NLGN1: variants seen among roughly 807,000 people sequenced by gnomAD.
NLGN1 encodes neuroligin 1.
In NLGN1, 12 loss-of-function variants were observed where a neutral mutation model predicts 65.5. That is an observed-to-expected ratio of 0.18 (90% CI 0.12 to 0.30). The LOEUF (loss-of-function observed/expected upper bound fraction) is 0.30, where lower values mean the gene tolerates loss of function less well. NLGN1 is among the 10% of genes least tolerant of loss of function. The pLI is 1.00. For synonymous variants in NLGN1, 350 were observed against 359.5 expected, an observed-to-expected ratio of 0.97 and a Z score of 0.30; for missense variants, 750 against 1,007.1, an observed-to-expected ratio of 0.74 and a Z score of 3.46.
the NLGN1 span, among the ~76,000 whole-genome samples, chr3:174,292,512 A>T: frequency 6.9e-6 from 1 of 145,062 alleles, no homozygotes; most frequent in African/African-American, 2.5e-5. Context: ...AGTGAATAAT[A>T]ATTAAAAAGA....
intron 4 of NLGN1, among the ~76,000 whole-genome samples, chr3:174,236,178 T>C (rs1741669164): frequency 6.6e-6 from 1 of 152,160 alleles, no homozygotes; most frequent in Non-Finnish European, 1.5e-5. Context: ...TTGATAAATA[T>C]GCCTCAGGTG....
At chr3:174,073,386 C>T (rs923742510) in intron 4 of NLGN1, among the ~76,000 whole-genome samples, 6 of 151,522 alleles carry the variant, frequency 4.0e-5, no homozygotes, top group Non-Finnish European at 5.9e-5. Flanking sequence ...AGAATTTTGG[C>T]GGGGGGGCAC....
intron 2 of NLGN1, among the ~76,000 whole-genome samples, chr3:173,548,301 T>C (rs1740241658): frequency 6.6e-6 from 1 of 152,134 alleles, no homozygotes; most frequent in Admixed American, 6.6e-5. Context: ...TGATGACATT[T>C]GACCAAGGCA....
At chr3:173,871,217 T>G (rs1731102527) in intron 4 of NLGN1, among the ~76,000 whole-genome samples, 1 of 152,216 alleles carries the variant, frequency 6.6e-6, no homozygotes, top group Non-Finnish European at 1.5e-5. Flanking sequence ...ACCACAGATT[T>G]CACCCTATGT....
intron 4 of NLGN1, among the ~76,000 whole-genome samples, chr3:173,927,109 G>A (rs983559288): frequency 6.6e-6 from 1 of 152,006 alleles, no homozygotes; most frequent in Non-Finnish European, 1.5e-5. Flanking sequence ...TGTCACCCAG[G>A]CTGGAGTGCA....
At chr3:173,461,003 A>G (rs1278471931) in intron 2 of NLGN1, among the ~76,000 whole-genome samples, 2 of 152,182 alleles carry the variant, frequency 1.3e-5, no homozygotes, top group Non-Finnish European at 2.9e-5. Context: ...GGTATCTCAT[A>G]CAAGGATGAA....
chr3:173,510,811 A>T (rs906202562), intron 2 of NLGN1, among the ~76,000 whole-genome samples: 1 of 152,188 alleles, frequency 6.6e-6, no homozygotes, highest in East Asian at 1.9e-4. Context: ...CACATGTAGG[A>T]TGTATGCTGT....
chr3:174,211,215 G>A (rs995437630), intron 4 of NLGN1, among the ~76,000 whole-genome samples: 1 of 152,216 alleles, frequency 6.6e-6, no homozygotes, highest in Non-Finnish European at 1.5e-5. Context: ...CAGTGTGGAA[G>A]GGGACCCCAG....
chr3:173,568,492 C>T (rs1744096222), intron 2 of NLGN1, among the ~76,000 whole-genome samples: 2 of 152,148 alleles, frequency 1.3e-5, no homozygotes, highest in Admixed American at 6.5e-5. Context: ...GCCTCGGCCT[C>T]CCAAATTGTT....
intron 4 of NLGN1, among the ~76,000 whole-genome samples, chr3:174,269,670 T>C (rs1018044969): frequency 5.3e-5 from 8 of 151,980 alleles, no homozygotes; most frequent in African/African-American, 1.9e-4. Flanking sequence ...AATTTCTCAT[T>C]GGGATCCTGC....
chr3:173,660,368 T>TA (rs1433302804), intron 3 of NLGN1, among the ~76,000 whole-genome samples: 10 of 150,420 alleles, frequency 6.6e-5, no homozygotes, highest in South Asian at 6.2e-4. Flanking sequence ...ATTTTATTTT[T>TA]TTTTTCAAAT....
At chr3:174,057,250 C>T (rs145536867) in intron 4 of NLGN1, among the ~76,000 whole-genome samples, 1 of 152,046 alleles carries the variant, frequency 6.6e-6, no homozygotes, top group East Asian at 1.9e-4. Context: ...CCATGTGACA[C>T]GGTACTGTTT....
chr3:173,458,892 T>C (rs772099701), intron 2 of NLGN1, among the ~76,000 whole-genome samples: 19 of 152,028 alleles, frequency 1.2e-4, no homozygotes, highest in Non-Finnish European at 2.6e-4. Flanking sequence ...TAGGAGATGT[T>C]TATTTTTCAC....
chr3:173,404,194 C>G (rs1182109178), intron 1 of NLGN1, among the ~76,000 whole-genome samples: 2 of 151,996 alleles, frequency 1.3e-5, no homozygotes, highest in Non-Finnish European at 2.9e-5. Flanking sequence ...ATTCTAATAA[C>G]CTCATTGCAA....
intron 1 of NLGN1, among the ~76,000 whole-genome samples, chr3:173,418,677 A>T (rs1237667332): frequency 6.6e-6 from 1 of 152,184 alleles, no homozygotes; most frequent in Non-Finnish European, 1.5e-5. Context: ...CTGTCCATTT[A>T]TTCTGTTTAT....
rs1362050556 is a variant in NLGN1, at chr3:173,539,657, G to GTACATATGTACATATATAACATACATATA, written c.-320-64621_-320-64620insACATATGTACATATATAACATACATATAT. On this transcript the variant is annotated intron_variant, in intron 2 of 6. Coordinates refer to ENST00000457714, the Ensembl canonical transcript of NLGN1. ...ACACATATATACATATATAACATAT[G>GTACATATGTACATATATAACATACATATA]TGTATATATGCACATATATAACATA... Among the ~76,000 whole-genome samples, 486 of 124,266 alleles carry GTACATATGTACATATATAACATACATATA rather than the reference G, an allele frequency of 3.9e-3. 16 individuals carry two copies. The highest frequency in any genetic ancestry group is 0.018 in the East Asian group (83 of 4,554). The allele number at this position is 124,266 out of a possible 152,430, so 81.5% of individuals were successfully genotyped here.
At chr3:174,285,089 A>T (rs1751960517) in exon 7 of NLGN1, 2 of 151,418 alleles carry the variant, frequency 1.3e-5, no homozygotes. Flanking sequence ...AAAAAATGAT[A>T]CAAAGAATAT....
chr3:174,087,954 C>T (rs1389132416), intron 4 of NLGN1, among the ~76,000 whole-genome samples: 1 of 152,158 alleles, frequency 6.6e-6, no homozygotes, highest in Admixed American at 6.5e-5. Flanking sequence ...ATTTGCTGCT[C>T]AGGGCAGAGA....
chr3:173,612,838 A>G (rs554320168), intron 3 of NLGN1, among the ~76,000 whole-genome samples: 1 of 152,180 alleles, frequency 6.6e-6, no homozygotes, highest in South Asian at 2.1e-4. Context: ...GTTCTTTCTG[A>G]GGGCTGCGAA....
Sources: allele counts gnomAD v4.1 joint callset (sites outside exome capture counted in the v4.1 genomes callset), GRCh38; gene constraint gnomAD v4.1.1; transcripts MANE v1.5; gene names NCBI Gene and HGNC (gene_info 2026-07-23, HGNC 2026-07-21).